Variants in CNTNAP5 observed in about 807,000 individuals in gnomAD.
The protein encoded by CNTNAP5 is contactin associated protein family member 5.
Under a neutral mutation model 150.2 loss-of-function variants are expected in CNTNAP5, and 72 were observed. The ratio of observed to expected loss-of-function variants is 0.48; its 90% CI spans 0.40 to 0.58. The LOEUF (loss-of-function observed/expected upper bound fraction) is 0.58. Ranked by LOEUF, CNTNAP5 falls within the 20% of genes least tolerant of loss-of-function variation. The pLI is 0.00. For missense variants in CNTNAP5, 1,636 were observed against 1,626.2 expected, an observed-to-expected ratio of 1.01 and a Z score of -0.10; for synonymous variants, 672 against 619.8, an observed-to-expected ratio of 1.08 and a Z score of -1.25.
At chr2:124,773,941 T>A (rs1343535085) in intron 17 of CNTNAP5, among the ~76,000 whole-genome samples, 3 of 145,758 alleles carry the variant, frequency 2.1e-5, no homozygotes, top group East Asian at 4.0e-4. Flanking sequence ...TGTGTGTGTG[T>A]GTGTGTGAGA....
chr2:124,026,861 C>A (rs183395544), intron 1 of CNTNAP5, among the ~76,000 whole-genome samples: 1,783 of 152,080 alleles, frequency 0.012, 40 homozygotes, highest in African/African-American at 0.041. Flanking sequence ...ACCTCACTCT[C>A]CACCCAGTTA....
chr2:124,336,621 A>C (rs780048), intron 3 of CNTNAP5, among the ~76,000 whole-genome samples: 1 of 145,912 alleles, frequency 6.9e-6, no homozygotes, highest in Admixed American at 6.9e-5. Flanking sequence ...GAGAACACGC[A>C]GTGTTTGGTT....
At chr2:124,246,714 C>A (rs966645216) in intron 3 of CNTNAP5, among the ~76,000 whole-genome samples, 8 of 152,242 alleles carry the variant, frequency 5.3e-5, no homozygotes, top group African/African-American at 1.9e-4. Flanking sequence ...CCCTTTCCTT[C>A]ATGAGCACAA....
At chr2:124,075,092 T>C (rs1052641915) in intron 1 of CNTNAP5, among the ~76,000 whole-genome samples, 2 of 152,116 alleles carry the variant, frequency 1.3e-5, no homozygotes, top group African/African-American at 4.8e-5. Context: ...TGGGGATAAA[T>C]GAATAGGGAT....
At chr2:124,177,679 G>T in intron 1 of CNTNAP5, among the ~76,000 whole-genome samples, 1 of 152,150 alleles carries the variant, frequency 6.6e-6, no homozygotes, top group East Asian at 1.9e-4. Flanking sequence ...GTGTGCGCAC[G>T]CACACAAAGC....
Position 124,506,999 on chromosome 2 carries a change from T to C in CNTNAP5, c.1327+2443T>C, listed in dbSNP as rs139387731. Among the ~76,000 whole-genome samples, 34 of 152,232 alleles carry C rather than the reference T, an allele frequency of 2.2e-4. No individual in the cohort carries two copies. The East Asian group carries it at 6.6e-3, about 29-fold the overall frequency. On this transcript the variant is annotated intron_variant, in intron 8 of 23. Transcript: ENST00000682447. ...GAATAACTTGAGTCTATAAAAGAAATGAATTACAGACAAATTAACAGGAAA... is the reference window on the plus strand; with the variant it reads ...GAATAACTTGAGTCTATAAAAGAAACGAATTACAGACAAATTAACAGGAAA...
At chr2:124,828,289 G>T (rs189218738) in intron 19 of CNTNAP5, among the ~76,000 whole-genome samples, 140 of 152,148 alleles carry the variant, frequency 9.2e-4, no homozygotes, top group African/African-American at 3.1e-3. Context: ...AGACCATCCT[G>T]GTTAACATGG....
intron 12 of CNTNAP5, among the ~76,000 whole-genome samples, chr2:124,618,639 C>T (rs1012247314): frequency 1.4e-4 from 22 of 152,156 alleles, no homozygotes; most frequent in African/African-American, 4.8e-4. Flanking sequence ...TGCAGGAGTG[C>T]GTATTGATAG....
intron 19 of CNTNAP5, among the ~76,000 whole-genome samples, chr2:124,828,603 CCTAT>C (rs1030633386): frequency 9.9e-5 from 15 of 151,610 alleles, no homozygotes; most frequent in African/African-American, 3.6e-4. Flanking sequence ...TCTTCTTAGT[CCTAT>C]CTAAGCTGTG....
At position 124,790,011 on chromosome 2, in the gene CNTNAP5, G is replaced by C; in HGVS notation, c.2862G>C (p.Arg954Ser). The change falls in exon 18 of 24, where the codon AGG becomes AGC. Residue 954 changes from arginine to serine, a missense_variant. Arg to Ser is a moderately radical substitution (Grantham distance 110). Transcript: ENST00000682447. ...EERAKVTSGV[R>S]PGCPGHCSSY... ...GGGCAAAGGTCACATCTGGAGTCAG[G>C]CCAGGCTGCCCCGGCCACTGCAGCA... 1 of 1,613,930 alleles carries C rather than the reference G, an allele frequency of 6.2e-7. No homozygotes were observed. Among genetic ancestry groups the C allele is most frequent in the African/African-American group, 1.3e-5 (1 of 75,048 alleles).
At chr2:124,468,032 C>T (rs551889279) in intron 6 of CNTNAP5, among the ~76,000 whole-genome samples, 39 of 152,162 alleles carry the variant, frequency 2.6e-4, no homozygotes, top group African/African-American at 7.5e-4. Context: ...TATCGTGCTG[C>T]GTCAAGGGAG....
chr2:124,445,119 T>C (rs1331042383), intron 5 of CNTNAP5, among the ~76,000 whole-genome samples: 2 of 151,378 alleles, frequency 1.3e-5, no homozygotes, highest in Non-Finnish European at 2.9e-5. Flanking sequence ...AGTTTTGCTC[T>C]TGTGGCCTGG....
intron 3 of CNTNAP5, among the ~76,000 whole-genome samples, chr2:124,389,196 G>C (rs915085317): frequency 6.6e-6 from 1 of 152,118 alleles, no homozygotes; most frequent in Admixed American, 6.5e-5. Flanking sequence ...TGCAAATAGA[G>C]AGTTTAAAAA....
At chr2:124,155,289 A>G (rs1041656733) in intron 1 of CNTNAP5, among the ~76,000 whole-genome samples, 5 of 152,056 alleles carry the variant, frequency 3.3e-5, no homozygotes, top group African/African-American at 1.2e-4. Flanking sequence ...TTTATGCTCT[A>G]AACGTTTTCA....
intron 3 of CNTNAP5, among the ~76,000 whole-genome samples, chr2:124,247,973 A>G (rs901576665): frequency 2.0e-5 from 3 of 152,206 alleles, no homozygotes; most frequent in Non-Finnish European, 4.4e-5. Flanking sequence ...ATAAGCTTTT[A>G]ATACAGATAT....
chr2:124,098,803 C>T (rs981273327), intron 1 of CNTNAP5, among the ~76,000 whole-genome samples: 1 of 152,122 alleles, frequency 6.6e-6, no homozygotes, highest in Admixed American at 6.5e-5. Flanking sequence ...TGACTTTATG[C>T]CTCTGGGAAA....
chr2:124,766,633 C>T (rs1681074729), intron 16 of CNTNAP5, among the ~76,000 whole-genome samples: 2 of 152,138 alleles, frequency 1.3e-5, no homozygotes, highest in South Asian at 4.1e-4. Context: ...CATGGCCAGT[C>T]TCTAAAAATG....
intron 11 of CNTNAP5, among the ~76,000 whole-genome samples, chr2:124,591,911 TC>T (rs1244629829): frequency 1.3e-5 from 2 of 152,180 alleles, no homozygotes; most frequent in Admixed American, 6.5e-5. Context: ...AATGCTGTTT[TC>T]TTAAAAAAGA....
In CNTNAP5 at chr2:124,862,264, C is replaced by G. The variant is rs1677542775; in HGVS notation, c.3218-3042C>G. On this transcript the variant is annotated intron_variant, in intron 19 of 23. Coordinates refer to ENST00000682447, the MANE Select transcript of CNTNAP5 (RefSeq NM_001367498.1). ...TGTAGCAATGTTAATATATAAACAA[C>G]AAGAAAATGATACCAAATAGACAAT... is the stretch of plus-strand genomic sequence containing the variant. Among the ~76,000 whole-genome samples the G allele has an allele frequency of 2.0e-5, 3 of 152,022 alleles. No homozygotes were observed. The South Asian group carries it at 6.2e-4, about 31-fold the overall frequency.
Sources: allele counts gnomAD v4.1 joint callset (sites outside exome capture counted in the v4.1 genomes callset), GRCh38; gene constraint gnomAD v4.1.1; transcripts MANE v1.5; gene names NCBI Gene and HGNC (gene_info 2026-07-23, HGNC 2026-07-21).